The following ATP9B variants were observed in gnomAD, a reference collection of about 807,000 sequenced individuals.
ATP9B encodes the protein ATPase phospholipid transporting 9B.
In ATP9B, 110 loss-of-function variants were observed where a neutral mutation model predicts 146.1. The observed-to-expected ratio is 0.75, with a 90% CI of 0.65 to 0.88. The LOEUF (loss-of-function observed/expected upper bound fraction) is 0.88, where lower values mean the gene tolerates loss of function less well. Ranked by LOEUF, ATP9B falls within the 40% of genes least tolerant of loss-of-function variation. ATP9B has a pLI of 0.00. For missense variants in ATP9B, 1,499 were observed against 1,496.4 expected (o/e 1.00, Z -0.03); for synonymous variants, 604 against 569.7 (o/e 1.06, Z -0.86).
chr18:79,345,310 G>T, intron 21 of ATP9B, 118 bp from the exon 22 acceptor site: 2 of 1,194,074 alleles, frequency 1.7e-6, no homozygotes, highest in Admixed American at 2.2e-5. Context: ...AAACTGAAAA[G>T]ATTGAGAACT....
chr18:79,245,963 C>G (rs2095953241), intron 11 of ATP9B, among the ~76,000 whole-genome samples: 1 of 127,678 alleles, frequency 7.8e-6, no homozygotes, highest in African/African-American at 3.1e-5. Flanking sequence ...AGGGCACCAC[C>G]CTACTGACTG....
chr18:79,367,874 G>A (rs373068909), intron 26 of ATP9B, among the ~76,000 whole-genome samples: 1 of 152,274 alleles, frequency 6.6e-6, no homozygotes, highest in East Asian at 1.9e-4. Context: ...GGAGCAGCCA[G>A]GTCATTAAGG....
chr18:79,355,107 G>A (rs533903460), intron 25 of ATP9B, among the ~76,000 whole-genome samples: 3 of 152,366 alleles, frequency 2.0e-5, no homozygotes, highest in Non-Finnish European at 2.9e-5. Context: ...GGCAGAGGCC[G>A]CATGGGGAGC....
At chr18:79,084,664 G>A (rs190917353) in intron 1 of ATP9B, among the ~76,000 whole-genome samples, 2 of 152,300 alleles carry the variant, frequency 1.3e-5, no homozygotes, top group East Asian at 3.9e-4. Context: ...TTTCATATGA[G>A]CTTTACATCG....
chr18:79,207,053 T>G, intron 10 of ATP9B, 41 bp downstream of exon 10: 1 of 1,572,136 alleles, frequency 6.4e-7, no homozygotes, highest in South Asian at 1.1e-5. Context: ...TGCTCCCGGA[T>G]AGATGATGCT....
At chr18:79,308,781 GC>G (rs1422596794) in intron 15 of ATP9B, among the ~76,000 whole-genome samples, 5 of 101,546 alleles carry the variant, frequency 4.9e-5, no homozygotes, top group African/African-American at 2.3e-4. Flanking sequence ...AAGGTCAGGG[GC>G]TGAGGAGTGA....
At chr18:79,327,314 G>A (rs1307239245) in intron 15 of ATP9B, among the ~76,000 whole-genome samples, 1 of 152,234 alleles carries the variant, frequency 6.6e-6, no homozygotes, top group African/African-American at 2.4e-5. Flanking sequence ...CACCCAGGCT[G>A]TGAGGGGCTT....
chr18:79,218,871 C>G (rs2095653098), intron 11 of ATP9B, among the ~76,000 whole-genome samples: 2 of 152,220 alleles, frequency 1.3e-5, no homozygotes, highest in Admixed American at 1.3e-4. Context: ...GCACTTCTAG[C>G]TCGTGTGCAG....
At chr18:79,113,406 G>C (rs753207249) in intron 4 of ATP9B, 52 bp downstream of exon 4, 15 of 1,139,538 alleles carry the variant, frequency 1.3e-5, no homozygotes, top group Non-Finnish European at 1.9e-5. Flanking sequence ...TTAGAATATA[G>C]TTTTAAGAGT....
chr18:79,211,287 A>T (rs368053897), intron 10 of ATP9B, among the ~76,000 whole-genome samples: 1 of 152,214 alleles, frequency 6.6e-6, no homozygotes, highest in African/African-American at 2.4e-5. Context: ...ACTGTAGTCA[A>T]TTAGAAGGTG....
chr18:79,309,647 T>G lies in ATP9B; in HGVS notation c.1773+2413T>G, dbSNP rs371469080. On this transcript the variant is annotated intron_variant, in intron 15 of 29. Transcript: ENST00000426216. Reference sequence around the variant, plus strand: ...CCCCAGCAGGTAGAAGGTCAGGGGCTGAGGACTGATCCCCAGCAGGTAGAA... The same window carrying G: ...CCCCAGCAGGTAGAAGGTCAGGGGCGGAGGACTGATCCCCAGCAGGTAGAA... Among the ~76,000 whole-genome samples, 122 of 93,456 alleles carry G rather than the reference T, an allele frequency of 1.3e-3. 1 individual carries two copies. Among genetic ancestry groups the G allele is most frequent in the Non-Finnish European group, 2.1e-3 (94 of 43,786 alleles). 61.3% of individuals were successfully genotyped at this position (93,456 alleles called of 152,430 possible).
chr18:79,308,470 G>A (rs2096631341), intron 15 of ATP9B, among the ~76,000 whole-genome samples: 1 of 152,208 alleles, frequency 6.6e-6, no homozygotes, highest in South Asian at 2.1e-4. Context: ...ACAAATGGCA[G>A]GAAGGAGCCA....
At chr18:79,198,261 GATT>G (rs2095434779) in intron 9 of ATP9B, among the ~76,000 whole-genome samples, 1 of 152,054 alleles carries the variant, frequency 6.6e-6, no homozygotes, top group African/African-American at 2.4e-5. Flanking sequence ...AAAAAAGCAA[GATT>G]CAAATATATG....
rs772519357 is a variant in ATP9B at position 79,253,411 on chromosome 18, C to G, written c.1138C>G (p.Leu380Val). The G allele has an allele frequency of 3.7e-6, 6 of 1,611,044 alleles. No individual in the cohort carries two copies. In the East Asian group the frequency reaches 1.3e-4, roughly 36 times the overall value. ...TTTGTTGGACCTTGAACTCAATCGG[C>G]TGACGAAAGCGCTATTTTTGGCTTT... is the stretch of plus-strand genomic sequence containing the variant. ...VGLLDLELNR[L>V]TKALFLALVA... is the part of the protein sequence containing the mutation. Residue 380 changes from leucine (L) to valine (V), a missense_variant, in exon 12 of 30, where the codon CTG becomes GTG. Leu to Val is a conservative substitution (Grantham distance 32). Transcript: ENST00000426216.
At chr18:79,327,620 C>G (rs73003835) in intron 15 of ATP9B, among the ~76,000 whole-genome samples, 18,227 of 33,332 alleles carry the variant, frequency 0.55, 5,977 homozygotes, top group East Asian at 0.86. Flanking sequence ...CGTGCCCTCC[C>G]TGGTTAGTGT....
intron 7 of ATP9B, among the ~76,000 whole-genome samples, chr18:79,155,722 A>G (rs761029289): frequency 8.1e-5 from 11 of 135,846 alleles, no homozygotes; most frequent in Non-Finnish European, 1.5e-4. Context: ...TAGAAGGGAC[A>G]TTTTTGTCAA....
At chr18:79,360,229 A>T (rs1384140630) in intron 26 of ATP9B, 1 of 152,278 alleles carries the variant, frequency 6.6e-6, no homozygotes, top group South Asian at 2.1e-4. Flanking sequence ...CCACAAAGCT[A>T]GCTGTTTTGA....
chr18:79,262,936 G>C (rs942655778), intron 12 of ATP9B, among the ~76,000 whole-genome samples: 1 of 151,944 alleles, frequency 6.6e-6, no homozygotes, highest in African/African-American at 2.4e-5. Context: ...CATTTCTTTT[G>C]AAATAATCAC....
intron 11 of ATP9B, among the ~76,000 whole-genome samples, chr18:79,216,408 T>C (rs1391720347): frequency 6.6e-6 from 1 of 152,164 alleles, no homozygotes; most frequent in Non-Finnish European, 1.5e-5. Context: ...CCCTCCCCTC[T>C]CTGAAGTGGG....
Sources: gnomAD v4.1 joint callset for allele counts (sites outside exome capture counted in the v4.1 genomes callset) on GRCh38, gnomAD v4.1.1 for gene constraint, MANE v1.5 for transcripts, NCBI Gene and HGNC (gene_info 2026-07-23, HGNC 2026-07-21) for gene names.